Variants in CACNA2D3 observed in about 807,000 individuals in gnomAD.
CACNA2D3 encodes the protein voltage-dependent calcium channel subunit alpha-2/delta-3.
Under a neutral mutation model 160.6 loss-of-function variants are expected in CACNA2D3, and 60 were observed. The observed-to-expected ratio is 0.37, with a 90% CI of 0.30 to 0.46. The LOEUF is 0.46. Ranked by LOEUF, CACNA2D3 falls within the 20% of genes least tolerant of loss-of-function variation. The pLI is 1.00. For missense variants in CACNA2D3, 1,205 were observed against 1,365.0 expected (o/e 0.88, Z 1.85); for synonymous variants, 558 against 492.9 (o/e 1.13, Z -1.75).
At chr3:54,279,942 C>A (rs948900900) in intron 2 of CACNA2D3, among the ~76,000 whole-genome samples, 27 of 152,088 alleles carry the variant, frequency 1.8e-4, no homozygotes, top group Admixed American at 1.8e-3. Flanking sequence ...AATTTTATAC[C>A]CTGTGTTTTC....
At chr3:54,279,769 G>A (rs2107461074) in intron 2 of CACNA2D3, among the ~76,000 whole-genome samples, 1 of 152,296 alleles carries the variant, frequency 6.6e-6, no homozygotes, top group East Asian at 1.9e-4. Flanking sequence ...CTCAAAACGA[G>A]AATGGAGGGC....
intron 3 of CACNA2D3, among the ~76,000 whole-genome samples, chr3:54,321,151 C>G (rs1300413229): frequency 6.6e-6 from 1 of 152,042 alleles, no homozygotes; most frequent in Non-Finnish European, 1.5e-5. Context: ...GAAACCCTGT[C>G]TCTACTAAAA....
At chr3:54,592,483 A>G (rs1036830938) in intron 9 of CACNA2D3, among the ~76,000 whole-genome samples, 1 of 152,188 alleles carries the variant, frequency 6.6e-6, no homozygotes, top group African/African-American at 2.4e-5. Flanking sequence ...AAAAGAAACC[A>G]TGACAAATTG....
chr3:54,658,040 T>G (rs542006593), intron 11 of CACNA2D3, among the ~76,000 whole-genome samples: 6 of 152,246 alleles, frequency 3.9e-5, no homozygotes, highest in African/African-American at 1.4e-4. Context: ...AAAAAGAAAT[T>G]ATATTGTATG....
chr3:54,653,759 T>A (rs1699820873), intron 11 of CACNA2D3, among the ~76,000 whole-genome samples: 1 of 152,202 alleles, frequency 6.6e-6, no homozygotes, highest in Non-Finnish European at 1.5e-5. Context: ...TGCATGGTAC[T>A]TCCCCTGTGG....
intron 5 of CACNA2D3, among the ~76,000 whole-genome samples, chr3:54,535,832 C>A (rs1224190004): frequency 6.6e-6 from 1 of 152,200 alleles, no homozygotes; most frequent in Non-Finnish European, 1.5e-5. Flanking sequence ...TGTCGGGAGG[C>A]TGAATTATGT....
At chr3:54,836,226 C>CTTTTTTTTTTTTTTTTTTTT (rs71096454) in intron 14 of CACNA2D3, among the ~76,000 whole-genome samples, 1 of 92,700 alleles carries the variant, frequency 1.1e-5, no homozygotes, top group African/African-American at 3.9e-5. Context: ...TTTTTTTTTT[C>CTTTTTTTTTTTTTTTTTTTT]TTTTTTTTTT....
chr3:55,053,827 A>G (rs1233313920), intron 35 of CACNA2D3, among the ~76,000 whole-genome samples: 1 of 152,000 alleles, frequency 6.6e-6, no homozygotes, highest in Non-Finnish European at 1.5e-5. Context: ...TAAAGGAGAA[A>G]TGGTAAAATC....
At chr3:54,392,422 A>G (rs1699297518) in intron 4 of CACNA2D3, among the ~76,000 whole-genome samples, 1 of 152,242 alleles carries the variant, frequency 6.6e-6, no homozygotes, top group African/African-American at 2.4e-5. Flanking sequence ...GGGTGCACAG[A>G]GAGAGAAAAA....
chr3:54,816,585 T>C (rs1424861779), intron 13 of CACNA2D3, among the ~76,000 whole-genome samples: 1 of 152,072 alleles, frequency 6.6e-6, no homozygotes, highest in Non-Finnish European at 1.5e-5. Context: ...TTTATAGGAG[T>C]TTACCAACTG....
intron 35 of CACNA2D3, among the ~76,000 whole-genome samples, chr3:55,037,735 G>C (rs358492): frequency 0.47 from 71,744 of 152,006 alleles, 18,794 homozygotes; most frequent in African/African-American, 0.72. Context: ...ATAAATTGTC[G>C]TCTGTGATGT....
intron 2 of CACNA2D3, among the ~76,000 whole-genome samples, chr3:54,240,762 C>T (rs1701960254): frequency 6.6e-6 from 1 of 151,998 alleles, no homozygotes; most frequent in Admixed American, 6.6e-5. Flanking sequence ...GAGACAGGGT[C>T]CCACTCTGTC....
chr3:54,391,346 T>C (rs573629891), intron 4 of CACNA2D3, among the ~76,000 whole-genome samples: 1 of 152,332 alleles, frequency 6.6e-6, no homozygotes, highest in Admixed American at 6.5e-5. Context: ...ATGTCCTTAC[T>C]ATGGCATTAG....
At chr3:54,449,404 A>C (rs1199201980) in intron 4 of CACNA2D3, among the ~76,000 whole-genome samples, 2 of 152,198 alleles carry the variant, frequency 1.3e-5, no homozygotes, top group Non-Finnish European at 2.9e-5. Context: ...TACAATGAAA[A>C]ATATTTGCTA....
intron 2 of CACNA2D3, among the ~76,000 whole-genome samples, chr3:54,285,142 TC>T (rs1219503233): frequency 6.6e-6 from 1 of 152,152 alleles, no homozygotes; most frequent in African/African-American, 2.4e-5. Context: ...ATTGTCTCAC[TC>T]GGGAAGCGCA....
chr3:54,928,843 G>A (rs1017799096), intron 27 of CACNA2D3, among the ~76,000 whole-genome samples: 2 of 151,920 alleles, frequency 1.3e-5, no homozygotes, highest in African/African-American at 2.4e-5. Context: ...CAATAAAGCC[G>A]CCCCCTGTGA....
chr3:54,400,826 C>G (rs1326935566), intron 4 of CACNA2D3, among the ~76,000 whole-genome samples: 2 of 152,042 alleles, frequency 1.3e-5, no homozygotes, highest in African/African-American at 2.4e-5. Flanking sequence ...ATGCAAGGAA[C>G]AAGAAACATG....
intron 13 of CACNA2D3, among the ~76,000 whole-genome samples, chr3:54,795,433 A>ATG (rs1702848821): frequency 6.6e-6 from 1 of 152,108 alleles, no homozygotes; most frequent in Non-Finnish European, 1.5e-5. Context: ...CCATTTATAT[A>ATG]GTAATTTTTG....
intron 2 of CACNA2D3, among the ~76,000 whole-genome samples, chr3:54,229,719 G>C (rs976866933): frequency 2.6e-5 from 4 of 152,040 alleles, no homozygotes; most frequent in African/African-American, 7.2e-5. Context: ...TTTTGCTTGC[G>C]TGACAATTCC....
Sources: allele counts gnomAD v4.1 joint callset (sites outside exome capture counted in the v4.1 genomes callset), GRCh38; gene constraint gnomAD v4.1.1; transcripts MANE v1.5; gene names NCBI Gene and HGNC (gene_info 2026-07-23, HGNC 2026-07-21).